ADGRB3: variants seen among roughly 807,000 people sequenced by gnomAD.
The protein encoded by ADGRB3 is adhesion G protein-coupled receptor B3.
ADGRB3 carries 37 observed loss-of-function variants against 193.4 expected under a neutral mutation model. The observed-to-expected ratio is 0.19, with a 90% CI of 0.15 to 0.25. The LOEUF (loss-of-function observed/expected upper bound fraction) is 0.25, where lower values mean the gene tolerates loss of function less well. Ranked by LOEUF, ADGRB3 falls within the 10% of genes least tolerant of loss-of-function variation. The probability of loss-of-function intolerance (pLI) is 1.00; values close to 1 mark genes in which losing one functional copy is unlikely to be tolerated. For synonymous variants in ADGRB3, 690 were observed against 644.2 expected, an observed-to-expected ratio of 1.07 and a Z score of -1.08; for missense variants, 1,637 against 1,852.9, an observed-to-expected ratio of 0.88 and a Z score of 2.14.
At chr6:68,966,160 C>A (rs1768375807) in intron 8 of ADGRB3, among the ~76,000 whole-genome samples, 1 of 152,086 alleles carries the variant, frequency 6.6e-6, no homozygotes, top group Admixed American at 6.6e-5. Flanking sequence ...TCCTCCTCAC[C>A]TCTTACATAC....
At chr6:69,009,517 G>T (rs1769869971) in intron 11 of ADGRB3, among the ~76,000 whole-genome samples, 1 of 152,026 alleles carries the variant, frequency 6.6e-6, no homozygotes, top group Non-Finnish European at 1.5e-5. Flanking sequence ...TAGAGTATGG[G>T]GCAGGATAGC....
intron 3 of ADGRB3, among the ~76,000 whole-genome samples, chr6:68,874,160 A>C (rs1197393495): frequency 6.6e-6 from 1 of 152,068 alleles, no homozygotes; most frequent in East Asian, 1.9e-4. Flanking sequence ...TTCTAAAATG[A>C]TGGGATAATT....
intron 3 of ADGRB3, among the ~76,000 whole-genome samples, chr6:68,869,344 G>A (rs1370260689): frequency 6.6e-6 from 1 of 151,984 alleles, no homozygotes; most frequent in African/African-American, 2.4e-5. Context: ...TATTTATAGA[G>A]ATTTTCTAAA....
chr6:69,163,227 G>C (rs1375640039), intron 17 of ADGRB3, among the ~76,000 whole-genome samples: 1 of 152,058 alleles, frequency 6.6e-6, no homozygotes, highest in African/African-American at 2.4e-5. Context: ...CCATTCCCCA[G>C]ACAGAAGCTC....
rs576914705 is a variant in ADGRB3 at position 68,919,184 on chromosome 6, G to A, written c.758-11375G>A. On this transcript the variant is annotated intron_variant, in intron 3 of 31. Transcript: ENST00000370598. ...ATAGCCAGTAACTTTTCAAGCCGGC[G>A]TCCTATCTTTATATAACCAAATGGG... 6.6e-5 allele frequency among the ~76,000 whole-genome samples: 10 copies of A among 152,186 alleles called. No homozygotes were observed. The East Asian group carries it at 1.5e-3, about 24-fold the overall frequency.
intron 13 of ADGRB3, among the ~76,000 whole-genome samples, chr6:69,025,052 A>G (rs2150290272): frequency 6.6e-6 from 1 of 151,660 alleles, no homozygotes; most frequent in East Asian, 1.9e-4. Flanking sequence ...AGATCGCGCC[A>G]CTGCACTCCA....
intron 3 of ADGRB3, among the ~76,000 whole-genome samples, chr6:68,922,083 GTTAAT>G (rs1215849503): frequency 6.6e-6 from 1 of 152,152 alleles, no homozygotes; most frequent in Non-Finnish European, 1.5e-5. Context: ...GCACTGGCTT[GTTAAT>G]TTAATTTTCA....
intron 3 of ADGRB3, among the ~76,000 whole-genome samples, chr6:68,810,863 A>G (rs1219246561): frequency 6.6e-6 from 1 of 152,196 alleles, no homozygotes; most frequent in Admixed American, 6.5e-5. Flanking sequence ...GGACACTGGT[A>G]GAAGGATTTG....
At chr6:69,243,291 G>A (rs549849550) in intron 20 of ADGRB3, among the ~76,000 whole-genome samples, 1 of 151,956 alleles carries the variant, frequency 6.6e-6, no homozygotes, top group Admixed American at 6.6e-5. Flanking sequence ...AGCAAATCAG[G>A]AACAAAATCT....
chr6:69,127,035 G>A (rs1239199229), intron 17 of ADGRB3, among the ~76,000 whole-genome samples: 2 of 152,208 alleles, frequency 1.3e-5, no homozygotes, highest in African/African-American at 4.8e-5. Flanking sequence ...AGAGAGAAGA[G>A]AACTTTTGAG....
chr6:69,380,950 CTA>C (rs1382016770), intron 30 of ADGRB3, among the ~76,000 whole-genome samples: 1 of 151,774 alleles, frequency 6.6e-6, no homozygotes, highest in Admixed American at 6.6e-5. Flanking sequence ...GAAAATAACT[CTA>C]TATTATAAGA....
intron 20 of ADGRB3, among the ~76,000 whole-genome samples, chr6:69,277,392 A>G (rs1767326380): frequency 6.6e-6 from 1 of 152,164 alleles, no homozygotes. Context: ...TCTCATGGGT[A>G]GCATGACCTG....
chr6:68,744,126 G>T (rs897308062), intron 3 of ADGRB3, among the ~76,000 whole-genome samples: 1 of 151,976 alleles, frequency 6.6e-6, no homozygotes, highest in Non-Finnish European at 1.5e-5. Flanking sequence ...ATAGAGCTAA[G>T]AATGAAGGAA....
At chr6:69,152,177 G>A (rs13195676) in intron 17 of ADGRB3, among the ~76,000 whole-genome samples, 3,451 of 152,298 alleles carry the variant, frequency 0.023, 50 homozygotes, top group Non-Finnish European at 0.032. Flanking sequence ...TTTGGGTGAA[G>A]CAAGAAGTCT....
chr6:69,134,094 C>A (rs757025988), intron 17 of ADGRB3, among the ~76,000 whole-genome samples: 6 of 152,142 alleles, frequency 3.9e-5, no homozygotes, highest in Middle Eastern at 3.4e-3. Flanking sequence ...GGTTGATGAG[C>A]ATTTTGGCTG....
intron 3 of ADGRB3, among the ~76,000 whole-genome samples, chr6:68,645,101 T>G (rs1031421829): frequency 1.3e-5 from 2 of 152,174 alleles, no homozygotes; most frequent in Non-Finnish European, 2.9e-5. Context: ...TGGTATGTAT[T>G]ACCTATAAAA....
chr6:69,192,783 C>CT (rs1765220809), intron 17 of ADGRB3, among the ~76,000 whole-genome samples: 2 of 152,012 alleles, frequency 1.3e-5, no homozygotes, highest in Admixed American at 1.3e-4. Flanking sequence ...TTTTGAGGGT[C>CT]TGCTATATTC....
At position 68,804,461 on chromosome 6, in the gene ADGRB3, T is replaced by A. The variant is rs112497833; in HGVS notation, c.758-126098T>A. Among the ~76,000 whole-genome samples, 1,060 of 152,282 alleles carry A rather than the reference T, an allele frequency of 7.0e-3. 7 individuals are homozygous for A. The highest frequency in any genetic ancestry group is 0.016 in the African/African-American group (680 of 41,562). On this transcript the variant is annotated intron_variant, in intron 3 of 31. Transcript: ENST00000370598. ...TGCAATGCATTAGAAGTATTTTTTT[T>A]AAAAATTCTCTATTTCTTATTACAC... is the stretch of plus-strand genomic sequence containing the variant.
intron 24 of ADGRB3, 128 bp downstream of exon 24, chr6:69,333,136 ATTCTGCTATATAAAAGTT>A: frequency 9.7e-7 from 1 of 1,032,016 alleles, no homozygotes; most frequent in Non-Finnish European, 1.4e-6. Flanking sequence ...TGTCCAGTAG[ATTCTGCTATATAAAAGTT>A]TCCAATGTGC....
Sources: gnomAD v4.1 joint callset for allele counts (sites outside exome capture counted in the v4.1 genomes callset) on GRCh38, gnomAD v4.1.1 for gene constraint, MANE v1.5 for transcripts, NCBI Gene and HGNC (gene_info 2026-07-23, HGNC 2026-07-21) for gene names.